The following CEBPZOS variants were observed in gnomAD, a reference collection of about 807,000 sequenced individuals.
The protein encoded by CEBPZOS is protein CEBPZOS.
Under a neutral mutation model 4.8 loss-of-function variants are expected in CEBPZOS, and 10 were observed. That is an observed-to-expected ratio of 2.07 (90% CI 1.28 to 3.52). The LOEUF (loss-of-function observed/expected upper bound fraction) is 3.52, where lower values mean the gene tolerates loss of function less well. CEBPZOS is among the 30% of genes most tolerant of loss of function. The pLI is 0.00. For synonymous variants in CEBPZOS, 25 were observed against 14.2 expected (o/e 1.77, Z -1.72); for missense variants, 98 against 43.6 (o/e 2.25, Z -3.51).
chr2:37,200,081 G>A lies in CEBPZOS; in HGVS notation c.115+262G>A, dbSNP rs557237527. The stretch of plus-strand genomic sequence containing the variant: ...TTTACTATTGTGGAGGATATAGCAA[G>A]TGTCCTTGGTCTGGCTTAGTTTGGG... On this transcript the variant is annotated intron_variant, in intron 2 of 4. Coordinates refer to ENST00000402297, the MANE Select transcript of CEBPZOS (RefSeq NM_001322374.2). Among the ~76,000 whole-genome samples the A allele has an allele frequency of 2.6e-5, 4 of 152,286 alleles. No homozygotes were observed. The South Asian group carries it at 8.3e-4, about 32-fold the overall frequency.
chr2:37,200,049 C>T (rs1042990084), intron 2 of CEBPZOS, among the ~76,000 whole-genome samples: 4 of 152,152 alleles, frequency 2.6e-5, no homozygotes, highest in African/African-American at 9.7e-5. Flanking sequence ...TTCATACCTC[C>T]ATGGATTTTA....
At chr2:37,214,131 C>G (rs1677808287), downstream of CEBPZOS, among the ~76,000 whole-genome samples, 4 of 152,012 alleles carry the variant, frequency 2.6e-5, no homozygotes, top group South Asian at 8.3e-4. Flanking sequence ...TAGTTTAACT[C>G]AATAAAAAGT....
At chr2:37,212,410 A>T in intron 4 of CEBPZOS, 1 of 1,599,480 alleles carries the variant, frequency 6.3e-7, no homozygotes, top group Non-Finnish European at 8.6e-7. Context: ...ACAATACAGA[A>T]ATGTGAGATA....
intron 4 of CEBPZOS, chr2:37,210,838 C>T (rs1572497501): frequency 2.0e-6 from 1 of 490,392 alleles, no homozygotes; most frequent in East Asian, 3.3e-5. Context: ...AGAAACAATT[C>T]AAAATGTGGA....
chr2:37,206,304 CA>C (rs1460921515), downstream of CEBPZOS, among the ~76,000 whole-genome samples: 1 of 152,224 alleles, frequency 6.6e-6, no homozygotes, highest in African/African-American at 2.4e-5. Flanking sequence ...GCTGAGAATT[CA>C]CCACTACCAA....
intron 4 of CEBPZOS, chr2:37,211,835 ATGCTTACC>A: frequency 6.4e-7 from 1 of 1,570,986 alleles, no homozygotes; most frequent in Non-Finnish European, 8.6e-7. Flanking sequence ...ATTTTAAAAA[ATGCTTACC>A]TGGAACGCTC....
chr2:37,200,333 G>A (rs1677156695), intron 2 of CEBPZOS, among the ~76,000 whole-genome samples: 1 of 152,174 alleles, frequency 6.6e-6, no homozygotes, highest in Admixed American at 6.5e-5. Context: ...AAATTAGGAA[G>A]TGATTTTTCC....
chr2:37,197,855 C>G (rs1213069848), intron 1 of CEBPZOS, among the ~76,000 whole-genome samples: 2 of 140,606 alleles, frequency 1.4e-5, no homozygotes, highest in Admixed American at 7.0e-5. Context: ...GACAGCAAGA[C>G]CCAGTCTCAA....
downstream of CEBPZOS, among the ~76,000 whole-genome samples, chr2:37,205,961 AGAT>A (rs1677525411): frequency 6.6e-6 from 1 of 152,236 alleles, no homozygotes; most frequent in Non-Finnish European, 1.5e-5. Flanking sequence ...GAAAAGAAAA[AGAT>A]AACAGGTGTC....
Position 37,200,371 on chromosome 2 carries a change from T to C in CEBPZOS, c.115+552T>C, listed in dbSNP as rs547775871. On this transcript the variant is annotated intron_variant, in intron 2 of 4. Transcript: ENST00000402297. ...AAAACAGGGAATAGACCTGGCATGA[T>C]AGCCATCTTTGAAACTTGCCACAGT... 5.1e-4 allele frequency among the ~76,000 whole-genome samples: 77 copies of C among 152,322 alleles called. No homozygotes were observed. The South Asian group carries it at 8.3e-3, about 16-fold the overall frequency.
chr2:37,198,331 C>G (rs1466309733), intron 1 of CEBPZOS, among the ~76,000 whole-genome samples: 1 of 152,130 alleles, frequency 6.6e-6, no homozygotes, highest in East Asian at 1.9e-4. Context: ...TTCTTTGCTT[C>G]ATTTCTTTTA....
chr2:37,214,081 G>T (rs946404744), downstream of CEBPZOS: 1 of 468,802 alleles, frequency 2.1e-6, no homozygotes, highest in Non-Finnish European at 3.7e-6. Context: ...ATACTCAATT[G>T]GAAATAAATG....
downstream of CEBPZOS, among the ~76,000 whole-genome samples, chr2:37,215,755 G>A (rs1461868401): frequency 6.6e-6 from 1 of 152,112 alleles, no homozygotes; most frequent in African/African-American, 2.4e-5. Context: ...GGGTTTTTGT[G>A]CTGCTAAGCT....
chr2:37,197,287 G>T (rs1676991307), intron 1 of CEBPZOS: 1 of 152,190 alleles, frequency 6.6e-6, no homozygotes, highest in South Asian at 2.1e-4. Context: ...AAAGGAACTT[G>T]AAGTTTTATC....
intron 1 of CEBPZOS, 140 bp from the exon 2 acceptor site, chr2:37,199,564 A>G: frequency 2.1e-6 from 1 of 487,022 alleles, no homozygotes; most frequent in South Asian, 4.6e-5. Flanking sequence ...CTAAACCAAA[A>G]AAGTATACCA....
At chr2:37,213,965 T>A, downstream of CEBPZOS, 1 of 1,453,982 alleles carries the variant, frequency 6.9e-7, no homozygotes, top group Non-Finnish European at 9.3e-7. Flanking sequence ...ATAATACCTA[T>A]AATATTCATG....
At chr2:37,213,808 G>T, downstream of CEBPZOS, 1 of 1,141,530 alleles carries the variant, frequency 8.8e-7, no homozygotes, top group Non-Finnish European at 1.3e-6. Flanking sequence ...AATGTTCCAT[G>T]GTCTATTAAC....
intron 3 of CEBPZOS, chr2:37,201,354 G>T: frequency 2.0e-6 from 1 of 493,576 alleles, no homozygotes; most frequent in Admixed American, 3.9e-5. Flanking sequence ...TTAAACCTTT[G>T]GTTTTAAAAG....
rs532904559 is a variant in CEBPZOS at position 37,198,861 on chromosome 2, G to A, written c.-1-843G>A. Reference sequence around the variant, plus strand: ...CCCCCATTTGTATAAAAATTACTGCGTGTCTGCGAAAGGGCAGATTACTGG... The same window carrying A: ...CCCCCATTTGTATAAAAATTACTGCATGTCTGCGAAAGGGCAGATTACTGG... On this transcript the variant is annotated intron_variant, in intron 1 of 4. Transcript: ENST00000402297. 1.6e-4 allele frequency among the ~76,000 whole-genome samples: 25 copies of A among 152,146 alleles called. 1 individual carries two copies. The highest frequency in any genetic ancestry group is 3.3e-4 in the Admixed American group (5 of 15,288).
Sources: allele counts gnomAD v4.1 joint callset (sites outside exome capture counted in the v4.1 genomes callset), GRCh38; gene constraint gnomAD v4.1.1; transcripts MANE v1.5; gene names NCBI Gene and HGNC (gene_info 2026-07-23, HGNC 2026-07-21).